JARID2: variants seen among roughly 807,000 people sequenced by gnomAD.
JARID2 encodes the protein protein Jumonji.
In JARID2, 21 loss-of-function variants were observed where a neutral mutation model predicts 125.6. That is an observed-to-expected ratio of 0.17 (90% CI 0.12 to 0.24). The LOEUF (loss-of-function observed/expected upper bound fraction) is 0.24, where lower values mean the gene tolerates loss of function less well. Among genes scored for constraint, JARID2 ranks in the 10% least tolerant of loss-of-function variants. JARID2 has a pLI of 1.00. For missense variants in JARID2, 1,303 were observed against 1,639.6 expected, an observed-to-expected ratio of 0.79 and a Z score of 3.55; for synonymous variants, 736 against 661.6, an observed-to-expected ratio of 1.11 and a Z score of -1.73.
intron 2 of JARID2, among the ~76,000 whole-genome samples, chr6:15,408,496 C>T (rs1765741052): frequency 6.6e-6 from 1 of 152,134 alleles, no homozygotes; most frequent in Non-Finnish European, 1.5e-5. Flanking sequence ...ATCCCCCACT[C>T]GCATAGTGAC....
intron 4 of JARID2, among the ~76,000 whole-genome samples, chr6:15,465,178 G>A (rs1768657059): frequency 6.6e-6 from 1 of 152,194 alleles, no homozygotes. Context: ...TATGGGCCGG[G>A]CATGGTGGCT....
intron 5 of JARID2, among the ~76,000 whole-genome samples, chr6:15,469,200 C>T (rs1384002571): frequency 6.6e-6 from 1 of 151,426 alleles, no homozygotes; most frequent in Admixed American, 6.6e-5. Context: ...GCTTGAGTAT[C>T]ACAGCAAAGA....
At chr6:15,489,958 A>C (rs566794908) in intron 6 of JARID2, among the ~76,000 whole-genome samples, 2 of 152,066 alleles carry the variant, frequency 1.3e-5, no homozygotes, top group Non-Finnish European at 2.9e-5. Context: ...TTTGGCTCTG[A>C]CTCTGACCTT....
chr6:15,261,552 C>T (rs565929795), intron 1 of JARID2, among the ~76,000 whole-genome samples: 4 of 152,018 alleles, frequency 2.6e-5, no homozygotes, highest in Middle Eastern at 3.2e-3. Flanking sequence ...CATCTCTTGA[C>T]GTTGTGATCT....
intron 6 of JARID2, among the ~76,000 whole-genome samples, chr6:15,489,725 C>T (rs2237125): frequency 0.1 from 15,517 of 152,232 alleles, 1,049 homozygotes; most frequent in Non-Finnish European, 0.15. Flanking sequence ...CTCACACAGC[C>T]GGCCTCTGTC....
intron 3 of JARID2, among the ~76,000 whole-genome samples, chr6:15,412,910 T>C (rs1199953335): frequency 6.6e-6 from 1 of 152,112 alleles, no homozygotes; most frequent in Non-Finnish European, 1.5e-5. Flanking sequence ...ATGGTTAATT[T>C]TAAAATATCT....
intron 2 of JARID2, among the ~76,000 whole-genome samples, chr6:15,400,542 A>C (rs1037316335): frequency 5.9e-5 from 9 of 152,098 alleles, no homozygotes; most frequent in Non-Finnish European, 1.3e-4. Flanking sequence ...AGTGTGCACA[A>C]TTAAACTGTG....
At chr6:15,458,528 G>T (rs1349221960) in intron 4 of JARID2, among the ~76,000 whole-genome samples, 1 of 152,202 alleles carries the variant, frequency 6.6e-6, no homozygotes, top group Non-Finnish European at 1.5e-5. Flanking sequence ...TTAGTGATCA[G>T]CTGTCATTCA....
intron 6 of JARID2, among the ~76,000 whole-genome samples, chr6:15,490,439 C>G (rs929330746): frequency 6.6e-6 from 1 of 152,166 alleles, no homozygotes; most frequent in African/African-American, 2.4e-5. Flanking sequence ...GCGAACTGGG[C>G]AATGCCATTT....
chr6:15,383,271 A>G (rs1465353406), intron 2 of JARID2, among the ~76,000 whole-genome samples: 10 of 150,662 alleles, frequency 6.6e-5, no homozygotes, highest in Non-Finnish European at 1.5e-4. Context: ...AGACACTGGG[A>G]CTACTGGCAT....
intron 2 of JARID2, among the ~76,000 whole-genome samples, chr6:15,403,407 G>T (rs771064569): frequency 1.3e-5 from 2 of 152,108 alleles, no homozygotes; most frequent in Non-Finnish European, 2.9e-5. Flanking sequence ...CTCATTTGGG[G>T]TCTAGAGAGC....
intron 14 of JARID2, 52 bp from the exon 15 acceptor site, chr6:15,512,863 C>T (rs1771345074): frequency 7.6e-6 from 12 of 1,574,626 alleles, no homozygotes; most frequent in Non-Finnish European, 8.7e-6. Context: ...AGAACCTTGA[C>T]AGCTGCCTAG....
At chr6:15,342,979 AT>A (rs1277629638) in intron 1 of JARID2, among the ~76,000 whole-genome samples, 1 of 152,148 alleles carries the variant, frequency 6.6e-6, no homozygotes, top group Non-Finnish European at 1.5e-5. Context: ...AGGCCAAGAC[AT>A]TTTGTGGTAT....
At chr6:15,388,769 C>A (rs1247722648) in intron 2 of JARID2, among the ~76,000 whole-genome samples, 1 of 152,080 alleles carries the variant, frequency 6.6e-6, no homozygotes, top group Non-Finnish European at 1.5e-5. Context: ...TTATGCCCCG[C>A]ATGCTTTCAG....
intron 1 of JARID2, among the ~76,000 whole-genome samples, chr6:15,360,636 G>A (rs1763760528): frequency 6.6e-6 from 1 of 152,018 alleles, no homozygotes; most frequent in Non-Finnish European, 1.5e-5. Flanking sequence ...GGAGTGTGCC[G>A]TCATGCCTAA....
chr6:15,364,819 C>T (rs535866468), intron 1 of JARID2, among the ~76,000 whole-genome samples: 2 of 152,298 alleles, frequency 1.3e-5, no homozygotes, highest in African/African-American at 2.4e-5. Context: ...CGTTCTGTAG[C>T]TGTGTTGTCC....
chr6:15,401,083 T>A (rs1765413537), intron 2 of JARID2: 2 of 1,288,900 alleles, frequency 1.6e-6, no homozygotes, highest in South Asian at 2.5e-5. Flanking sequence ...GTATGGCTTT[T>A]GTTGGAGAAA....
At chr6:15,316,136 G>A (rs963993572) in intron 1 of JARID2, among the ~76,000 whole-genome samples, 2 of 151,218 alleles carry the variant, frequency 1.3e-5, no homozygotes, top group African/African-American at 4.9e-5. Flanking sequence ...GGTTTTTTTT[G>A]ACATGGAGTC....
chr6:15,516,262 A>G (rs1426356153), intron 16 of JARID2, among the ~76,000 whole-genome samples: 1 of 152,192 alleles, frequency 6.6e-6, no homozygotes, highest in East Asian at 1.9e-4. Flanking sequence ...CTTTCTGAGA[A>G]AGGCCTATGA....
Sources: allele counts gnomAD v4.1 joint callset (sites outside exome capture counted in the v4.1 genomes callset), GRCh38; gene constraint gnomAD v4.1.1; transcripts MANE v1.5; gene names NCBI Gene and HGNC (gene_info 2026-07-23, HGNC 2026-07-21).